The following CDYL2 variants were observed in gnomAD, a reference collection of about 807,000 sequenced individuals.
CDYL2 encodes chromodomain Y like 2, also known as chromodomain Y-like protein 2.
Under a neutral mutation model 49.4 loss-of-function variants are expected in CDYL2, and 23 were observed. That is an observed-to-expected ratio of 0.47 (90% CI 0.34 to 0.66). The LOEUF (loss-of-function observed/expected upper bound fraction) is 0.66. Ranked by LOEUF, CDYL2 falls within the 30% of genes least tolerant of loss-of-function variation. The pLI, the probability that CDYL2 is intolerant of heterozygous loss-of-function variation, is 0.01. For synonymous variants in CDYL2, 360 were observed against 268.8 expected (o/e 1.34, Z -3.32); for missense variants, 678 against 656.4 (o/e 1.03, Z -0.36).
intron 2 of CDYL2, among the ~76,000 whole-genome samples, chr16:80,648,945 T>A (rs561388818): frequency 7.4e-4 from 112 of 152,200 alleles, no homozygotes; most frequent in Non-Finnish European, 6.6e-4. Flanking sequence ...TAATTCAACA[T>A]CCCTTCATGA....
intron 2 of CDYL2, among the ~76,000 whole-genome samples, chr16:80,671,181 G>A (rs1260986458): frequency 6.6e-6 from 1 of 152,190 alleles, no homozygotes; most frequent in Admixed American, 6.5e-5. Flanking sequence ...GTGGGTATAG[G>A]TAGTAGAGGT....
intron 1 of CDYL2, among the ~76,000 whole-genome samples, chr16:80,783,927 G>A (rs971882357): frequency 1.3e-5 from 2 of 152,212 alleles, no homozygotes; most frequent in African/African-American, 2.4e-5. Context: ...TAATAGGCAT[G>A]CGGTTTCCGC....
chr16:80,696,715 G>C (rs936317033), intron 1 of CDYL2, among the ~76,000 whole-genome samples: 1 of 150,594 alleles, frequency 6.6e-6, no homozygotes, highest in Admixed American at 6.6e-5. Flanking sequence ...AGATGGAAGA[G>C]TAATAAAAAA....
At position 80,779,557 on chromosome 16, in the gene CDYL2, T is replaced by C. The variant is rs77745624; in HGVS notation, c.24+24593A>G. On this transcript the variant is annotated intron_variant, in intron 1 of 6. Transcript: ENST00000570137. The stretch of plus-strand genomic sequence containing the variant: ...TAACAGCAATATATACAAAGATTTG[T>C]AGAGAAAGCTTATACCCCTGTTTAA... 8.4e-4 allele frequency among the ~76,000 whole-genome samples: 128 copies of C among 152,140 alleles called. No individual in the cohort carries two copies. In the East Asian group the frequency reaches 0.018, roughly 21 times the overall value.
chr16:80,759,150 A>ATATATAT lies in CDYL2; in HGVS notation c.24+44999_24+45000insATATATA, dbSNP rs1211358459. 7.3e-3 allele frequency among the ~76,000 whole-genome samples: 586 copies of ATATATAT among 80,588 alleles called. 9 individuals are homozygous for ATATATAT. The highest frequency in any genetic ancestry group is 0.015 in the South Asian group (38 of 2,580). 52.9% of individuals were successfully genotyped at this position (80,588 alleles called of 152,430 possible). A position where few individuals can be genotyped will look rare whatever the true frequency, so the allele number is the denominator to read the frequency against. ...TATATATATATATATGGTTTATATA[A>ATATATAT]ATATATGGTTTATATATATATATAT... On this transcript the variant is annotated intron_variant, in intron 1 of 6. Transcript: ENST00000570137.
rs1345636580 is a variant in CDYL2, at chr16:80,604,190, G to A, written c.*198C>T. ...GGCCAGGAAGGGCAGGGAGGTGGGG[G>A]AGGCCAAGTATGCTGCGTTTTCCAT... is the stretch of plus-strand genomic sequence containing the variant. On this transcript the variant is annotated 3_prime_UTR_variant, in exon 7 of 7. Transcript: ENST00000570137. 4.9e-6 allele frequency: 3 copies of A among 616,996 alleles called. No homozygotes were observed. In the South Asian group the frequency reaches 6.0e-5, roughly 12 times the overall value. The allele number at this position is 616,996 out of a possible 1,614,324, so 38.2% of individuals were successfully genotyped here.
chr16:80,616,808 T>C (rs1486299247), intron 4 of CDYL2, among the ~76,000 whole-genome samples: 3 of 152,194 alleles, frequency 2.0e-5, no homozygotes, highest in African/African-American at 4.8e-5. Flanking sequence ...AGCCCGAGTG[T>C]TTCACACAGA....
rs1906228405 is a variant in CDYL2 at position 80,604,256 on chromosome 16, C to T, written c.*132G>A. The T allele has an allele frequency of 1.0e-6, 1 of 999,932 alleles. No individual in the cohort carries two copies. The highest frequency in any genetic ancestry group is 2.3e-5 in the Admixed American group (1 of 44,414). 61.9% of individuals were successfully genotyped at this position (999,932 alleles called of 1,614,324 possible). On this transcript the variant is annotated 3_prime_UTR_variant, in exon 7 of 7. Coordinates refer to ENST00000570137, the MANE Select transcript of CDYL2 (RefSeq NM_152342.4). ...AAACCAAGGAGGAGCAACCAAAGGA[C>T]ACGAGGAAATGGACACAACCCTACG... is the stretch of plus-strand genomic sequence containing the variant.
chr16:80,714,172 T>C (rs1309438035), intron 1 of CDYL2, among the ~76,000 whole-genome samples: 2 of 152,194 alleles, frequency 1.3e-5, no homozygotes. Flanking sequence ...TGTCCCAGTC[T>C]CACGACCCAG....
At chr16:80,703,370 T>C (rs1904314465) in intron 1 of CDYL2, among the ~76,000 whole-genome samples, 1 of 152,166 alleles carries the variant, frequency 6.6e-6, no homozygotes, top group Non-Finnish European at 1.5e-5. Context: ...CCACGGCTTG[T>C]CACATGGTAG....
chr16:80,690,245 C>T (rs986228521), intron 1 of CDYL2, among the ~76,000 whole-genome samples: 2 of 152,126 alleles, frequency 1.3e-5, no homozygotes, highest in Non-Finnish European at 2.9e-5. Context: ...AGAACAGTCA[C>T]AAAGGCTCCT....
At chr16:80,668,137 T>G (rs1024518317) in intron 2 of CDYL2, among the ~76,000 whole-genome samples, 1 of 152,208 alleles carries the variant, frequency 6.6e-6, no homozygotes, top group East Asian at 1.9e-4. Flanking sequence ...AGAGGAACAG[T>G]TAAGTCCCTG....
At position 80,600,107 on chromosome 16, in the gene CDYL2, G is replaced by T. The variant is rs112029050; in HGVS notation, c.*4281C>A. 2.0e-5 allele frequency: 3 copies of T among 152,150 alleles called. No individual in the cohort carries two copies. The highest frequency in any genetic ancestry group is 4.4e-5 in the Non-Finnish European group (3 of 68,024). The allele number at this position is 152,150 out of a possible 1,614,324, so 9.4% of individuals were successfully genotyped here. ...GAGATCTTAAACTACTTATGTAGTT[G>T]CAAAGTTGAAAAATTTACTGATCCT... On this transcript the variant is annotated 3_prime_UTR_variant, in exon 7 of 7. Coordinates refer to ENST00000570137, the MANE Select transcript of CDYL2 (RefSeq NM_152342.4).
At chr16:80,761,617 T>C (rs1347720982) in intron 1 of CDYL2, among the ~76,000 whole-genome samples, 2 of 152,116 alleles carry the variant, frequency 1.3e-5, no homozygotes, top group African/African-American at 4.8e-5. Context: ...GTTGAATCAA[T>C]AGATCTGAGA....
chr16:80,623,376 T>C (rs1202663826), intron 3 of CDYL2, among the ~76,000 whole-genome samples: 2 of 152,086 alleles, frequency 1.3e-5, no homozygotes, highest in Admixed American at 1.3e-4. Flanking sequence ...AAGATGCAAG[T>C]AGACTGCTTA....
intron 1 of CDYL2, among the ~76,000 whole-genome samples, chr16:80,690,429 G>T (rs1266995267): frequency 1.3e-5 from 2 of 152,108 alleles, no homozygotes; most frequent in Admixed American, 6.5e-5. Context: ...ATGACTAAGG[G>T]CCAGCTGCTG....
chr16:80,707,142 C>G (rs1904432377), intron 1 of CDYL2, among the ~76,000 whole-genome samples: 1 of 152,054 alleles, frequency 6.6e-6, no homozygotes, highest in African/African-American at 2.4e-5. Context: ...GCATTTCATG[C>G]TAAAAAAAGA....
At chr16:80,649,764 A>T (rs1908506300) in intron 2 of CDYL2, among the ~76,000 whole-genome samples, 1 of 152,218 alleles carries the variant, frequency 6.6e-6, no homozygotes, top group Non-Finnish European at 1.5e-5. Context: ...GCATAAAAAC[A>T]GATACAGAGA....
rs368477960 is a variant in CDYL2, at chr16:80,640,967, CA to C, written c.617-7732del. Among the ~76,000 whole-genome samples, 44 of 152,070 alleles carry C rather than the reference CA, an allele frequency of 2.9e-4. 2 individuals are homozygous for C. The highest frequency in any genetic ancestry group is 3.4e-3 in the Middle Eastern group (1 of 294). On this transcript the variant is annotated intron_variant, in intron 2 of 6. Coordinates refer to ENST00000570137, the MANE Select transcript of CDYL2 (RefSeq NM_152342.4). ...GCCTACAGGATCTAGAAAATAGCCT[CA>C]AAAGGGCAAATCTAAGAGTTACTGG...
Sources: allele counts gnomAD v4.1 joint callset (sites outside exome capture counted in the v4.1 genomes callset), GRCh38; gene constraint gnomAD v4.1.1; transcripts MANE v1.5; gene names NCBI Gene and HGNC (gene_info 2026-07-23, HGNC 2026-07-21).